The following PITPNC1 variants were observed in gnomAD, a reference collection of about 807,000 sequenced individuals.
The protein encoded by PITPNC1 is phosphatidylinositol transfer protein cytoplasmic 1, also known as cytoplasmic phosphatidylinositol transfer protein 1.
PITPNC1 carries 18 observed loss-of-function variants against 44.7 expected under a neutral mutation model. That is an observed-to-expected ratio of 0.40 (90% confidence interval 0.28 to 0.60). PITPNC1 has a LOEUF of 0.60. PITPNC1 is among the 20% of genes least tolerant of loss of function. PITPNC1 has a pLI of 0.39. For missense variants in PITPNC1, 290 were observed against 418.4 expected (o/e 0.69, Z 2.68); for synonymous variants, 141 against 149.6 (o/e 0.94, Z 0.42).
chr17:67,541,904 A>G (rs754073477), intron 2 of PITPNC1, among the ~76,000 whole-genome samples: 2 of 152,230 alleles, frequency 1.3e-5, no homozygotes, highest in Non-Finnish European at 2.9e-5. Flanking sequence ...TTCCAAGCAC[A>G]CAAACCATCT....
intron 1 of PITPNC1, among the ~76,000 whole-genome samples, chr17:67,436,476 G>C (rs759149994): frequency 2.0e-5 from 3 of 152,110 alleles, no homozygotes; most frequent in Non-Finnish European, 4.4e-5. Context: ...GTGAGGGTGA[G>C]GGAGGCAAGA....
chr17:67,498,416 A>G (rs1016902380), intron 1 of PITPNC1, among the ~76,000 whole-genome samples: 1 of 152,222 alleles, frequency 6.6e-6, no homozygotes, highest in African/African-American at 2.4e-5. Context: ...TTGTATGTAT[A>G]TACCATATTT....
chr17:67,533,238 G>A (rs2040487294), intron 2 of PITPNC1, among the ~76,000 whole-genome samples: 1 of 152,048 alleles, frequency 6.6e-6, no homozygotes, highest in African/African-American at 2.4e-5. Context: ...CCAGCCTGGG[G>A]TGACAGAGCA....
rs1325671809 is a variant in PITPNC1 at position 67,565,201 on chromosome 17, T to C, written c.294+11584T>C. Among the ~76,000 whole-genome samples, 3 of 152,196 alleles carry C rather than the reference T, an allele frequency of 2.0e-5. No homozygotes were observed. The East Asian group carries it at 5.8e-4, about 29-fold the overall frequency. Reference sequence around the variant, plus strand: ...TACTAGTTTTCCATGTTTTTCAGTGTGTGTACTAGTTTTCTGTGTTTTTCA... The same window carrying C: ...TACTAGTTTTCCATGTTTTTCAGTGCGTGTACTAGTTTTCTGTGTTTTTCA... On this transcript the variant is annotated intron_variant, in intron 4 of 8. Transcript: ENST00000581322.
chr17:67,610,808 C>G (rs2041677442), intron 5 of PITPNC1, among the ~76,000 whole-genome samples: 1 of 151,848 alleles, frequency 6.6e-6, no homozygotes, highest in Non-Finnish European at 1.5e-5. Context: ...GTAGTCCCAG[C>G]TACTCGGGAG....
intron 1 of PITPNC1, among the ~76,000 whole-genome samples, chr17:67,466,890 C>T (rs2039435588): frequency 6.6e-6 from 1 of 152,090 alleles, no homozygotes; most frequent in South Asian, 2.1e-4. Context: ...CCAAATCCAG[C>T]AAGCAATCTA....
intron 2 of PITPNC1, among the ~76,000 whole-genome samples, chr17:67,550,115 C>T (rs1357306992): frequency 1.3e-5 from 2 of 152,104 alleles, no homozygotes; most frequent in Non-Finnish European, 2.9e-5. Flanking sequence ...TATAAAAACC[C>T]CATCCTTTTG....
chr17:67,586,128 C>T (rs541344628), intron 5 of PITPNC1, among the ~76,000 whole-genome samples: 1 of 152,064 alleles, frequency 6.6e-6, no homozygotes, highest in Non-Finnish European at 1.5e-5. Context: ...CTGGCAGGAA[C>T]TGAGGTTGAA....
chr17:67,663,580 C>CA (rs112237311), intron 6 of PITPNC1, among the ~76,000 whole-genome samples: 13,571 of 142,114 alleles, frequency 0.095, 602 homozygotes, highest in Middle Eastern at 0.17. Context: ...AAAAAAAGGA[C>CA]AAAAAAAAAA....
chr17:67,495,040 G>GGTT (rs2039926593), intron 1 of PITPNC1, among the ~76,000 whole-genome samples: 2 of 64,704 alleles, frequency 3.1e-5, no homozygotes, highest in South Asian at 6.3e-4. Flanking sequence ...CCATGGAGTT[G>GGTT]TTTTTTTTTT....
chr17:67,515,221 G>A (rs971567302), intron 1 of PITPNC1, among the ~76,000 whole-genome samples: 3 of 152,170 alleles, frequency 2.0e-5, no homozygotes, highest in Non-Finnish European at 4.4e-5. Context: ...GAGGAGAAAG[G>A]AAGCAAGGCC....
rs746237586 is a variant in PITPNC1 at position 67,692,800 on chromosome 17, T to A, written c.911T>A (p.Leu304His). The A allele has an allele frequency of 6.2e-7, 1 of 1,613,626 alleles. No homozygotes were observed. Among genetic ancestry groups the A allele is most frequent in the Non-Finnish European group, 8.5e-7 (1 of 1,179,728 alleles). Residue 304 changes from leucine (L) to histidine (H), a missense_variant, in exon 9 of 9, where the codon CTC (leucine) becomes CAC (histidine). Transcript: ENST00000581322. ...CGGAAAAAGTCTGCCCCAGAAACTC[T>A]CACACTTCCAGACCCTGAGAAAAAA... ...RPRKKSAPET[L>H]TLPDPEKKAT...
At chr17:67,464,762 CAG>C (rs144643712) in intron 1 of PITPNC1, among the ~76,000 whole-genome samples, 1,804 of 148,768 alleles carry the variant, frequency 0.012, 18 homozygotes, top group Non-Finnish European at 0.02. Context: ...TTTTTTGAGA[CAG>C]AGTCTCACTC....
chr17:67,485,022 C>G (rs146716079), intron 1 of PITPNC1, among the ~76,000 whole-genome samples: 1 of 152,120 alleles, frequency 6.6e-6, no homozygotes, highest in East Asian at 1.9e-4. Flanking sequence ...TTATGACTAG[C>G]GTTTCCATCT....
chr17:67,551,350 G>T (rs1297683854), intron 2 of PITPNC1, among the ~76,000 whole-genome samples: 2 of 152,120 alleles, frequency 1.3e-5, no homozygotes, highest in Admixed American at 1.3e-4. Flanking sequence ...CAAATTAGGT[G>T]GATTAAAACA....
chr17:67,430,659 A>G (rs1157204766), intron 1 of PITPNC1, among the ~76,000 whole-genome samples: 3 of 151,852 alleles, frequency 2.0e-5, no homozygotes, highest in Non-Finnish European at 2.9e-5. Flanking sequence ...TCTCTAAACA[A>G]CAACAACAAA....
At chr17:67,465,343 T>C (rs984740425) in intron 1 of PITPNC1, among the ~76,000 whole-genome samples, 3 of 152,182 alleles carry the variant, frequency 2.0e-5, no homozygotes, top group African/African-American at 7.2e-5. Flanking sequence ...TATGAGCCAG[T>C]GCAGAGGAAA....
intron 8 of PITPNC1, among the ~76,000 whole-genome samples, chr17:67,690,900 C>T (rs985719403): frequency 6.6e-6 from 1 of 151,924 alleles, no homozygotes; most frequent in Non-Finnish European, 1.5e-5. Flanking sequence ...GTTAGGAGTT[C>T]GAGACCAGCC....
At chr17:67,440,141 TG>T (rs1475825452) in intron 1 of PITPNC1, among the ~76,000 whole-genome samples, 1 of 152,166 alleles carries the variant, frequency 6.6e-6, no homozygotes, top group East Asian at 1.9e-4. Context: ...AAATTTAAGA[TG>T]GCACCAAAAA....
Sources: gnomAD v4.1 joint callset for allele counts (sites outside exome capture counted in the v4.1 genomes callset) on GRCh38, gnomAD v4.1.1 for gene constraint, MANE v1.5 for transcripts, NCBI Gene and HGNC (gene_info 2026-07-23, HGNC 2026-07-21) for gene names.